The following C1GALT1 variants were observed in gnomAD, a reference collection of about 807,000 sequenced individuals.
C1GALT1 encodes glycoprotein-N-acetylgalactosamine 3-beta-galactosyltransferase 1.
Under a neutral mutation model 31.0 loss-of-function variants are expected in C1GALT1, and 11 were observed. The ratio of observed to expected loss-of-function variants is 0.36; its 90% CI spans 0.22 to 0.59. The LOEUF (loss-of-function observed/expected upper bound fraction) is 0.59, where lower values mean the gene tolerates loss of function less well. C1GALT1 is among the 20% of genes least tolerant of loss of function. C1GALT1 has a pLI of 0.79. For missense variants in C1GALT1, 424 were observed against 425.2 expected (o/e 1.00, Z 0.03); for synonymous variants, 175 against 143.6 (o/e 1.22, Z -1.56).
chr7:7,222,906 T>G (rs1460232750), intron 1 of C1GALT1, among the ~76,000 whole-genome samples: 2 of 95,234 alleles, frequency 2.1e-5, no homozygotes, highest in East Asian at 8.7e-4. Context: ...GTGAGTTTTT[T>G]TTTGGTTTTA....
At chr7:7,206,410 A>G (rs972934391) in intron 1 of C1GALT1, among the ~76,000 whole-genome samples, 1 of 151,950 alleles carries the variant, frequency 6.6e-6, no homozygotes, top group Admixed American at 6.6e-5. Flanking sequence ...TTTACTTGAG[A>G]ATGTTTTATT....
intron 2 of C1GALT1, among the ~76,000 whole-genome samples, chr7:7,163,817 G>A (rs1425984607): frequency 2.0e-5 from 3 of 152,004 alleles, no homozygotes; most frequent in African/African-American, 4.8e-5. Flanking sequence ...AAATAAAAGA[G>A]GATACAAACA....
intron 1 of C1GALT1, among the ~76,000 whole-genome samples, chr7:7,186,145 CTTT>C (rs1780806807): frequency 2.1e-5 from 1 of 48,454 alleles, no homozygotes; most frequent in Admixed American, 3.1e-4. Context: ...GCCCAGAACT[CTTT>C]CTTTCTTTCT....
At chr7:7,221,193 T>G (rs1782496017) in intron 1 of C1GALT1, among the ~76,000 whole-genome samples, 1 of 123,242 alleles carries the variant, frequency 8.1e-6, no homozygotes, top group Non-Finnish European at 1.7e-5. Context: ...CACAGTTTTT[T>G]TTCTTATTTT....
rs543159704 is a variant in C1GALT1 at position 7,247,597 on chromosome 7, A to C, written c.*3870A>C. 1.3e-5 allele frequency: 2 copies of C among 152,268 alleles called. No homozygotes were observed. Among genetic ancestry groups the C allele is most frequent in the East Asian group, 3.9e-4 (2 of 5,192 alleles). The allele number at this position is 152,268 out of a possible 1,614,324, so 9.4% of individuals were successfully genotyped here. The stretch of plus-strand genomic sequence containing the variant: ...TCTTTGAGACTGTCAAACTATAGTT[A>C]CTACCAGGTTGATGCACTGTACTTG... On this transcript the variant is annotated 3_prime_UTR_variant, in exon 4 of 4. Transcript: ENST00000436587.
At chr7:7,187,907 AT>A (rs1383051074) in intron 1 of C1GALT1, among the ~76,000 whole-genome samples, 1 of 152,328 alleles carries the variant, frequency 6.6e-6, no homozygotes, top group South Asian at 2.1e-4. Context: ...TATCATGTTA[AT>A]AAAAAATGTT....
intron 1 of C1GALT1, among the ~76,000 whole-genome samples, chr7:7,204,794 T>G (rs144350680): frequency 1.3e-5 from 2 of 152,322 alleles, no homozygotes; most frequent in East Asian, 3.9e-4. Context: ...TGTGATTGAT[T>G]CTTCGCCCCA....
chr7:7,157,381 T>G lies in C1GALT1; in HGVS notation c.-63T>G, dbSNP rs115486029. 824 of 152,516 alleles carry G rather than the reference T, an allele frequency of 5.4e-3. 6 individuals carry two copies. The highest frequency in any genetic ancestry group is 0.019 in the African/African-American group (773 of 41,586). The allele number at this position is 152,516 out of a possible 1,614,324, so 9.4% of individuals were successfully genotyped here. On this transcript the variant is annotated 5_prime_UTR_variant, in exon 2 of 4. Coordinates refer to the C1GALT1 transcript ENST00000429911. ...GGTGGGGCAAAACCCACTGGCATTC[T>G]GAGGCTCATGGGGATGTTTTTTCAG...
At chr7:7,192,730 A>T (rs898699983) in intron 1 of C1GALT1, among the ~76,000 whole-genome samples, 1 of 152,162 alleles carries the variant, frequency 6.6e-6, no homozygotes, top group African/African-American at 2.4e-5. Flanking sequence ...GAATCTCCAC[A>T]CCATTTTCCA....
chr7:7,246,764 A>C lies in C1GALT1; in HGVS notation c.*3037A>C, dbSNP rs1218594587. 1.3e-5 allele frequency: 2 copies of C among 152,182 alleles called. No individual in the cohort carries two copies. Among genetic ancestry groups the C allele is most frequent in the African/African-American group, 2.4e-5 (1 of 41,442 alleles). 9.4% of individuals were successfully genotyped at this position (152,182 alleles called of 1,614,324 possible). On this transcript the variant is annotated 3_prime_UTR_variant, in exon 4 of 4. Coordinates refer to ENST00000436587, the MANE Select transcript of C1GALT1 (RefSeq NM_020156.5). Reference sequence around the variant, plus strand: ...TTTGAGAACCAATACCCAACAACCTACGTGATTTTGGTGCAAGTAGTGTTT... The same window carrying C: ...TTTGAGAACCAATACCCAACAACCTCCGTGATTTTGGTGCAAGTAGTGTTT...
chr7:7,198,751 C>G lies in C1GALT1; in HGVS notation c.-18+15931C>G, dbSNP rs535785064. On this transcript the variant is annotated intron_variant, in intron 1 of 3. Coordinates refer to ENST00000436587, the MANE Select transcript of C1GALT1 (RefSeq NM_020156.5). ...TGTTCAGGGATCCACCTTCTTCCTG[C>G]TTTAGTCTTGGGAGGGTGTATGTGT... Among the ~76,000 whole-genome samples, 73 of 152,028 alleles carry G rather than the reference C, an allele frequency of 4.8e-4. 1 individual carries two copies. The highest frequency in any genetic ancestry group is 9.3e-4 in the Non-Finnish European group (63 of 67,960).
intron 2 of C1GALT1, among the ~76,000 whole-genome samples, chr7:7,236,882 G>A (rs1055624369): frequency 3.3e-5 from 5 of 152,102 alleles, no homozygotes; most frequent in African/African-American, 1.2e-4. Context: ...CTCTCAGTTG[G>A]TTAACTAGTA....
chr7:7,202,065 A>G (rs1259281975), intron 1 of C1GALT1, among the ~76,000 whole-genome samples: 2 of 152,120 alleles, frequency 1.3e-5, no homozygotes, highest in East Asian at 3.9e-4. Context: ...AGCTCTCTAA[A>G]TTAATCTCAG....
chr7:7,158,375 A>T (rs1419801910), intron 2 of C1GALT1, among the ~76,000 whole-genome samples: 1 of 152,120 alleles, frequency 6.6e-6, no homozygotes, highest in African/African-American at 2.4e-5. Flanking sequence ...AGAAAGGAAA[A>T]ATAAGTCTCC....
chr7:7,236,910 G>GTTAATTTCTCATAGGACTAAGCTTCTGTA, intron 2 of C1GALT1, among the ~76,000 whole-genome samples: 1 of 152,070 alleles, frequency 6.6e-6, no homozygotes, highest in Non-Finnish European at 1.5e-5. Context: ...TGCCTCCATT[G>GTTAATTTCTCATAGGACTAAGCTTCTGTA]TTAATTTCTC....
Position 7,244,048 on chromosome 7 carries a change from C to T in C1GALT1, c.*321C>T, listed in dbSNP as rs1783750022. 1.1e-5 allele frequency: 2 copies of T among 176,370 alleles called. No homozygotes were observed. Among genetic ancestry groups the T allele is most frequent in the Admixed American group, 6.0e-5 (1 of 16,776 alleles). 10.9% of individuals were successfully genotyped at this position (176,370 alleles called of 1,614,324 possible). A position where few individuals can be genotyped will look rare whatever the true frequency, so the allele number is the denominator to read the frequency against. On this transcript the variant is annotated 3_prime_UTR_variant, in exon 4 of 4. Transcript: ENST00000436587. ...CATCTGTGTTATTGTCACTGAGAAA[C>T]TAAAATAGTAAATTTACTAAAACTA... is the stretch of plus-strand genomic sequence containing the variant.
chr7:7,159,377 G>C (rs1780309795), intron 2 of C1GALT1, among the ~76,000 whole-genome samples: 1 of 151,820 alleles, frequency 6.6e-6, no homozygotes, highest in Admixed American at 6.6e-5. Flanking sequence ...CAAATACCAA[G>C]AGCAGTAAAA....
At chr7:7,158,857 C>T (rs531162461) in intron 2 of C1GALT1, among the ~76,000 whole-genome samples, 2 of 152,028 alleles carry the variant, frequency 1.3e-5, no homozygotes, top group African/African-American at 4.8e-5. Flanking sequence ...GGCTGTTAGA[C>T]GGCCTATTGA....
At chr7:7,183,477 A>G (rs1780680194) in intron 1 of C1GALT1, 1 of 491,280 alleles carries the variant, frequency 2.0e-6, no homozygotes, top group Non-Finnish European at 2.6e-6. Context: ...CATTCGGGGC[A>G]TGGAGGAGGA....
Sources: gnomAD v4.1 joint callset for allele counts (sites outside exome capture counted in the v4.1 genomes callset) on GRCh38, gnomAD v4.1.1 for gene constraint, MANE v1.5 for transcripts, NCBI Gene and HGNC (gene_info 2026-07-23, HGNC 2026-07-21) for gene names.